The following DNAH8 variants were observed in gnomAD, a reference collection of about 807,000 sequenced individuals.
DNAH8 encodes axonemal beta dynein heavy chain 8.
In DNAH8, 382 loss-of-function variants were observed where a neutral mutation model predicts 562.1. That is an observed-to-expected ratio of 0.68 (90% CI 0.63 to 0.74). The LOEUF (loss-of-function observed/expected upper bound fraction) is 0.74, where lower values mean the gene tolerates loss of function less well. Among genes scored for constraint, DNAH8 ranks in the 30% least tolerant of loss-of-function variants. The probability of loss-of-function intolerance (pLI) is 0.00; values close to 1 mark genes in which losing one functional copy is unlikely to be tolerated. For synonymous variants in DNAH8, 1,881 were observed against 1,919.4 expected (o/e 0.98, Z 0.52); for missense variants, 5,203 against 5,620.4 (o/e 0.93, Z 2.37).
chr6:38,798,767 G>A (rs1770523436), intron 21 of DNAH8, among the ~76,000 whole-genome samples: 1 of 152,184 alleles, frequency 6.6e-6, no homozygotes, highest in Admixed American at 6.5e-5. Flanking sequence ...GGTTGGAGTT[G>A]AGGCACAGGG....
chr6:38,849,915 C>G (rs1034251525), intron 37 of DNAH8, among the ~76,000 whole-genome samples: 2 of 152,048 alleles, frequency 1.3e-5, no homozygotes, highest in Admixed American at 1.3e-4. Context: ...GCTCCTCAAA[C>G]CAAAACACCT....
At chr6:38,745,701 T>A (rs188931055) in intron 8 of DNAH8, among the ~76,000 whole-genome samples, 1 of 152,352 alleles carries the variant, frequency 6.6e-6, no homozygotes, top group East Asian at 1.9e-4. Context: ...GTCATGTCTC[T>A]TTAGCCTCCT....
At chr6:39,002,100 G>C (rs1002622470) in intron 88 of DNAH8, among the ~76,000 whole-genome samples, 4 of 152,148 alleles carry the variant, frequency 2.6e-5, no homozygotes, top group Non-Finnish European at 5.9e-5. Context: ...ATAAGGTTTT[G>C]GATTTGTTTG....
In DNAH8 at chr6:38,864,016, G is replaced by T; in HGVS notation, c.6454G>T (p.Asp2152Tyr). The T allele has an allele frequency of 1.2e-6, 2 of 1,608,226 alleles. No homozygotes were observed. Among genetic ancestry groups the T allele is most frequent in the Non-Finnish European group, 8.5e-7 (1 of 1,178,824 alleles). ...GAAACAGTTCATTTTTTCTGATGGT[G>T]ATTGTGTTGATTTAAATCCAGAATT... The part of the protein sequence containing the change: ...RKKQFIFSDG[D>Y]CVDLNPEFGI... The change falls in exon 45 of 93, where the codon GAT becomes TAT. Residue 2152 changes from aspartate to tyrosine, a missense_variant. Physicochemically the swap from Asp to Tyr is radical, Grantham distance 160. Coordinates refer to ENST00000327475, the MANE Select transcript of DNAH8 (RefSeq NM_001206927.2).
At chr6:38,905,139 T>A (rs1780359056) in intron 62 of DNAH8, among the ~76,000 whole-genome samples, 1 of 152,282 alleles carries the variant, frequency 6.6e-6, no homozygotes, top group East Asian at 1.9e-4. Context: ...GGCCACTAGA[T>A]CTTTCTGGTT....
intron 41 of DNAH8, among the ~76,000 whole-genome samples, chr6:38,854,226 G>A (rs78093892): frequency 3.6e-5 from 2 of 55,856 alleles, no homozygotes; most frequent in Non-Finnish European, 8.7e-5. Flanking sequence ...TGTTTAGAAA[G>A]TGAAGACCTC....
In DNAH8 at chr6:38,723,378, T is replaced by C. The variant is rs750089160; in HGVS notation, c.432T>C (p.Ile144=). Residue 144 remains isoleucine (I), a synonymous_variant, in exon 3 of 93, where the codon ATT becomes ATC. Coordinates refer to ENST00000327475, the MANE Select transcript of DNAH8 (RefSeq NM_001206927.2). The part of the protein sequence containing the change: ...REARESRRLK[I]DPSYKYIFEI... ...CAAGGGAAAGCCGAAGACTGAAAAT[T>C]GACCCTTCATACAAATATATATTTG... The C allele has an allele frequency of 6.2e-7, 1 of 1,612,062 alleles. No individual in the cohort carries two copies. Among genetic ancestry groups the C allele is most frequent in the Admixed American group, 1.7e-5 (1 of 59,872 alleles).
intron 82 of DNAH8, among the ~76,000 whole-genome samples, chr6:38,969,754 T>C (rs1763214932): frequency 6.6e-6 from 1 of 151,304 alleles, no homozygotes; most frequent in African/African-American, 2.4e-5. Flanking sequence ...CAGGGACTGA[T>C]TGTGTAGGGC....
chr6:38,985,717 A>G (rs1350045300), intron 87 of DNAH8, among the ~76,000 whole-genome samples: 1 of 152,242 alleles, frequency 6.6e-6, no homozygotes, highest in Non-Finnish European at 1.5e-5. Context: ...ATTCATGGCA[A>G]CATTGTGTGT....
chr6:38,798,660 G>A (rs914272965), intron 21 of DNAH8, among the ~76,000 whole-genome samples: 1 of 152,220 alleles, frequency 6.6e-6, no homozygotes, highest in African/African-American at 2.4e-5. Flanking sequence ...GGTATTGATG[G>A]CAGTGTGGGT....
Position 38,832,357 on chromosome 6 carries a change from A to G in DNAH8, c.4224A>G (p.Pro1408=), listed in dbSNP as rs778459478. Residue 1408 remains proline, a synonymous_variant, in exon 31 of 93, where the codon CCA becomes CCG. Coordinates refer to ENST00000327475, the MANE Select transcript of DNAH8 (RefSeq NM_001206927.2). ...SVQEDLVQVQ[P]KFKSNLLESV... is the part of the protein sequence containing the mutation. The stretch of plus-strand genomic sequence containing the variant: ...AAGAGGACCTAGTTCAAGTGCAGCC[A>G]AAGTTTAAAAGCAATCTACTTGAGT... 8.7e-6 allele frequency: 14 copies of G among 1,613,846 alleles called. No homozygotes were observed. Among genetic ancestry groups the G allele is most frequent in the Non-Finnish European group, 1.1e-5 (13 of 1,179,792 alleles).
chr6:38,983,146 A>G (rs765409814), intron 86 of DNAH8, among the ~76,000 whole-genome samples: 6 of 152,242 alleles, frequency 3.9e-5, no homozygotes, highest in African/African-American at 9.6e-5. Flanking sequence ...ATCTTTGGCA[A>G]GTTAATGAGC....
rs756299907 is a variant in DNAH8 at position 38,883,882 on chromosome 6, A to G, written c.8143A>G (p.Ile2715Val). ...AACGTTTCCTTCTCTCTAGAGAACAATTGAAAGCTACGTGGATAAGCGAAT... is the reference window on the plus strand; with the variant it reads ...AACGTTTCCTTCTCTCTAGAGAACAGTTGAAAGCTACGTGGATAAGCGAAT... ...ATEPMMFQRT[I>V]ESYVDKRIGS... The change falls in exon 56 of 93, where the codon ATT (isoleucine) becomes GTT (valine). Residue 2715 changes from isoleucine (I) to valine (V), a missense_variant. Ile to Val is a conservative substitution (Grantham distance 29, BLOSUM62 3). Transcript: ENST00000327475. 3.8e-6 allele frequency: 6 copies of G among 1,580,728 alleles called. No individual in the cohort carries two copies. The highest frequency in any genetic ancestry group is 3.5e-5 in the Admixed American group (2 of 57,222).
intron 85 of DNAH8, among the ~76,000 whole-genome samples, chr6:38,975,463 A>T (rs1763608116): frequency 6.6e-6 from 1 of 151,982 alleles, no homozygotes; most frequent in African/African-American, 2.4e-5. Context: ...ACTTCACATT[A>T]CCTCTCCCTG....
At chr6:38,841,150 A>G (rs1774748247) in intron 33 of DNAH8, among the ~76,000 whole-genome samples, 1 of 152,034 alleles carries the variant, frequency 6.6e-6, no homozygotes, top group African/African-American at 2.4e-5. Context: ...TGGGTGCCGT[A>G]GCTCATGCCT....
chr6:38,939,097 A>G, intron 79 of DNAH8, 109 bp downstream of exon 79: 1 of 845,740 alleles, frequency 1.2e-6, no homozygotes, highest in Non-Finnish European at 1.8e-6. Flanking sequence ...TGATGTTCTA[A>G]CGAAAGTTTA....
intron 79 of DNAH8, among the ~76,000 whole-genome samples, chr6:38,941,435 C>T (rs907073509): frequency 6.6e-6 from 1 of 152,136 alleles, no homozygotes; most frequent in African/African-American, 2.4e-5. Flanking sequence ...TTCTTTGTGC[C>T]TTTTTCATGA....
At chr6:38,877,947 T>G (rs1381041807) in intron 53 of DNAH8, among the ~76,000 whole-genome samples, 1 of 152,202 alleles carries the variant, frequency 6.6e-6, no homozygotes, top group African/African-American at 2.4e-5. Flanking sequence ...GGATGCAGTT[T>G]CTAGAAGCAG....
chr6:38,846,274 C>T (rs1164437337), intron 36 of DNAH8, among the ~76,000 whole-genome samples: 2 of 152,158 alleles, frequency 1.3e-5, no homozygotes, highest in Non-Finnish European at 2.9e-5. Flanking sequence ...ACCATTATGG[C>T]CTGAATGAGG....
Sources: gnomAD v4.1 joint callset for allele counts (sites outside exome capture counted in the v4.1 genomes callset) on GRCh38, gnomAD v4.1.1 for gene constraint, MANE v1.5 for transcripts, NCBI Gene and HGNC (gene_info 2026-07-23, HGNC 2026-07-21) for gene names.